ZNF236: variants seen among roughly 807,000 people sequenced by gnomAD.
The protein encoded by ZNF236 is regulated by glucose.
Under a neutral mutation model 191.2 loss-of-function variants are expected in ZNF236, and 50 were observed. The observed-to-expected ratio is 0.26, with a 90% CI of 0.21 to 0.33. The LOEUF is 0.33. Ranked by LOEUF, ZNF236 falls within the 10% of genes least tolerant of loss-of-function variation. The probability of loss-of-function intolerance (pLI) is 1.00; values close to 1 mark genes in which losing one functional copy is unlikely to be tolerated. For missense variants in ZNF236, 1,754 were observed against 2,374.5 expected (o/e 0.74, Z 5.43); for synonymous variants, 907 against 928.8 (o/e 0.98, Z 0.43).
intron 30 of ZNF236, among the ~76,000 whole-genome samples, chr18:76,966,611 G>A (rs964209322): frequency 6.6e-6 from 1 of 152,034 alleles, no homozygotes; most frequent in Non-Finnish European, 1.5e-5. Flanking sequence ...GTGCTGTCTC[G>A]GTGCTCAGGG....
At chr18:76,895,434 A>G in intron 10 of ZNF236, 149 bp downstream of exon 10, 7 of 1,131,420 alleles carry the variant, frequency 6.2e-6, no homozygotes, top group Non-Finnish European at 8.7e-6. Context: ...AAAGTATCAC[A>G]CACAGTACTG....
chr18:76,930,037 A>G lies in ZNF236; in HGVS notation c.4594+1931A>G, dbSNP rs187410542. Among the ~76,000 whole-genome samples the G allele has an allele frequency of 4.8e-4, 73 of 152,362 alleles. 1 individual carries two copies. The Middle Eastern group carries it at 0.01, about 21-fold the overall frequency. On this transcript the variant is annotated intron_variant, in intron 25 of 30. Coordinates refer to ENST00000320610, the MANE Select transcript of ZNF236 (RefSeq NM_001306089.2). Reference sequence around the variant, plus strand: ...TGCCTCCCGGAATTACCCTGTCCAGATACAATGAAAGTCCTTTTACCTGAT... The same window carrying G: ...TGCCTCCCGGAATTACCCTGTCCAGGTACAATGAAAGTCCTTTTACCTGAT...
At chr18:76,868,991 G>A (rs958300873) in intron 4 of ZNF236, 128 bp downstream of exon 4, 10 of 830,408 alleles carry the variant, frequency 1.2e-5, no homozygotes, top group Middle Eastern at 3.4e-4. Flanking sequence ...AGATAATTTG[G>A]TGTCAGAACG....
intron 26 of ZNF236, among the ~76,000 whole-genome samples, chr18:76,944,015 C>T (rs139236997): frequency 6.6e-6 from 1 of 152,284 alleles, no homozygotes; most frequent in Non-Finnish European, 1.5e-5. Context: ...TTTGTTATTG[C>T]ATAGAATGCC....
intron 28 of ZNF236, among the ~76,000 whole-genome samples, chr18:76,958,306 C>T (rs980502812): frequency 6.6e-6 from 1 of 152,218 alleles, no homozygotes; most frequent in Non-Finnish European, 1.5e-5. Flanking sequence ...ACCTCTGCCA[C>T]AGGGTAAGCC....
intron 27 of ZNF236, among the ~76,000 whole-genome samples, chr18:76,952,404 T>C (rs529764673): frequency 6.6e-6 from 1 of 152,358 alleles, no homozygotes; most frequent in African/African-American, 2.4e-5. Context: ...GGAATGCACA[T>C]TGACGCTTCC....
At chr18:76,838,574 G>T (rs1434525212) in intron 1 of ZNF236, among the ~76,000 whole-genome samples, 4 of 152,142 alleles carry the variant, frequency 2.6e-5, no homozygotes, top group Non-Finnish European at 4.4e-5. Context: ...AGGTTGTACG[G>T]CCTCTGTCGT....
intron 14 of ZNF236, among the ~76,000 whole-genome samples, 189 bp downstream of exon 14, chr18:76,908,762 T>G (rs932115533): frequency 6.6e-6 from 1 of 152,240 alleles, no homozygotes; most frequent in African/African-American, 2.4e-5. Context: ...CTTTTCAATT[T>G]TATTAGATTT....
chr18:76,932,897 T>C (rs1031970318), intron 25 of ZNF236, among the ~76,000 whole-genome samples: 10 of 152,238 alleles, frequency 6.6e-5, no homozygotes, highest in African/African-American at 2.4e-4. Flanking sequence ...ACTCCAGGGC[T>C]CTGCTCTAGC....
At chr18:76,935,833 A>G (rs1021941067) in intron 25 of ZNF236, 3 of 357,624 alleles carry the variant, frequency 8.4e-6, no homozygotes, top group African/African-American at 6.4e-5. Flanking sequence ...GACGTCCTCC[A>G]CAAGGCCACA....
At chr18:76,907,286 A>G (rs558775251) in intron 13 of ZNF236, among the ~76,000 whole-genome samples, 122 of 152,368 alleles carry the variant, frequency 8.0e-4, no homozygotes, top group African/African-American at 2.5e-3. Flanking sequence ...AGAGCCCATG[A>G]TGCAGCTTGT....
intron 25 of ZNF236, 57 bp downstream of exon 25, chr18:76,928,163 CT>C: frequency 7.3e-7 from 1 of 1,361,146 alleles, no homozygotes; most frequent in Non-Finnish European, 1.0e-6. Flanking sequence ...TACTGTATAT[CT>C]TACTATCTCT....
intron 17 of ZNF236, among the ~76,000 whole-genome samples, chr18:76,913,083 A>G (rs1428512953): frequency 6.6e-6 from 1 of 152,092 alleles, no homozygotes; most frequent in Non-Finnish European, 1.5e-5. Flanking sequence ...TAGGGACGTC[A>G]CTAACCTCTT....
At chr18:76,961,021 C>T (rs1968654027) in intron 30 of ZNF236, among the ~76,000 whole-genome samples, 166 bp downstream of exon 30, 1 of 152,118 alleles carries the variant, frequency 6.6e-6, no homozygotes, top group African/African-American at 2.4e-5. Context: ...TTTTGATTTC[C>T]ATAGGTTATT....
chr18:76,856,241 G>A (rs538647946), intron 3 of ZNF236, among the ~76,000 whole-genome samples: 22 of 151,738 alleles, frequency 1.4e-4, no homozygotes, highest in African/African-American at 5.3e-4. Context: ...CCAGGCTAGA[G>A]GCACAATCTC....
chr18:76,931,480 A>C (rs1277368118), intron 25 of ZNF236, among the ~76,000 whole-genome samples: 1 of 152,102 alleles, frequency 6.6e-6, no homozygotes, highest in Non-Finnish European at 1.5e-5. Flanking sequence ...ATTTTATTCA[A>C]CTGTACAAAG....
At chr18:76,829,944 C>T (rs1447724623) in intron 1 of ZNF236, among the ~76,000 whole-genome samples, 1 of 152,222 alleles carries the variant, frequency 6.6e-6, no homozygotes, top group Non-Finnish European at 1.5e-5. Context: ...GATCTCCACT[C>T]ACTGCAACCT....
chr18:76,968,579 C>T lies in ZNF236; in HGVS notation c.*240C>T, dbSNP rs1347969630. The T allele has an allele frequency of 3.1e-6, 4 of 1,272,042 alleles. No individual in the cohort carries two copies. The highest frequency in any genetic ancestry group is 4.0e-6 in the Non-Finnish European group (4 of 1,011,828). 78.8% of individuals were successfully genotyped at this position (1,272,042 alleles called of 1,614,324 possible). On this transcript the variant is annotated 3_prime_UTR_variant, in exon 31 of 31. Transcript: ENST00000320610. Reference sequence around the variant, plus strand: ...CACTGAACTCAGGTACTACTGTAGGCAGTTTCCTCCTCAGTCTCCTCCGTG... The same window carrying T: ...CACTGAACTCAGGTACTACTGTAGGTAGTTTCCTCCTCAGTCTCCTCCGTG...
chr18:76,955,624 C>CA (rs2122947570), intron 27 of ZNF236, among the ~76,000 whole-genome samples: 1 of 152,312 alleles, frequency 6.6e-6, no homozygotes, highest in South Asian at 2.1e-4. Context: ...TTGCCGTATG[C>CA]AGCCCTTGGT....
Sources: gnomAD v4.1 joint callset for allele counts (sites outside exome capture counted in the v4.1 genomes callset) on GRCh38, gnomAD v4.1.1 for gene constraint, MANE v1.5 for transcripts, NCBI Gene and HGNC (gene_info 2026-07-23, HGNC 2026-07-21) for gene names.